PPIP5K2: variants seen among roughly 807,000 people sequenced by gnomAD.
PPIP5K2 encodes diphosphoinositol pentakisphosphate kinase 2, also known as inositol hexakisphosphate and diphosphoinositol-pentakisphosphate kinase 2.
A neutral mutation model predicts 154.6 loss-of-function variants in PPIP5K2; 105 were observed. The observed-to-expected ratio is 0.68, with a 90% CI of 0.58 to 0.80. The LOEUF (loss-of-function observed/expected upper bound fraction) is 0.80. PPIP5K2 is among the 30% of genes least tolerant of loss of function. The pLI, the probability that PPIP5K2 is intolerant of heterozygous loss-of-function variation, is 0.00. For synonymous variants in PPIP5K2, 480 were observed against 490.3 expected (o/e 0.98, Z 0.28); for missense variants, 992 against 1,504.6 (o/e 0.66, Z 5.64).
chr5:103,142,753 G>A lies in PPIP5K2; in HGVS notation c.488-3774G>A, dbSNP rs574750940. ...ATGGCGCCACTGCACTCCAGCCTGGGCGAGTGAGCAAGACTCCGTCTCAAA... is the reference window on the plus strand; with the variant it reads ...ATGGCGCCACTGCACTCCAGCCTGGACGAGTGAGCAAGACTCCGTCTCAAA... On this transcript the variant is annotated intron_variant, in intron 5 of 30. Coordinates refer to ENST00000358359, the MANE Select transcript of PPIP5K2 (RefSeq NM_001276277.3). Among the ~76,000 whole-genome samples, 7 of 147,110 alleles carry A rather than the reference G, an allele frequency of 4.8e-5. No individual in the cohort carries two copies. In the South Asian group the frequency reaches 1.1e-3, roughly 23 times the overall value.
intron 5 of PPIP5K2, among the ~76,000 whole-genome samples, chr5:103,141,786 A>G (rs1283696322): frequency 1.3e-5 from 2 of 151,756 alleles, no homozygotes; most frequent in Admixed American, 6.6e-5. Context: ...TGGAGTATTT[A>G]CAATCCCTGA....
intron 5 of PPIP5K2, among the ~76,000 whole-genome samples, chr5:103,140,662 C>T (rs1252940760): frequency 6.7e-6 from 1 of 150,016 alleles, no homozygotes; most frequent in Admixed American, 6.6e-5. Flanking sequence ...ACGGTGAAAC[C>T]CCGTCTCTAC....
rs1254684253 is a variant in PPIP5K2, at chr5:103,187,445, A to G, written c.3352+69A>G. The G allele has an allele frequency of 4.1e-6, 5 of 1,224,364 alleles. No homozygotes were observed. In the East Asian group the frequency reaches 7.6e-5, roughly 19 times the overall value. 75.8% of individuals were successfully genotyped at this position (1,224,364 alleles called of 1,614,324 possible). A position where few individuals can be genotyped will look rare whatever the true frequency, so the allele number is the denominator to read the frequency against. ...CCTTTTTTATTTTTATTTTATTTCA[A>G]AATGTGGGGTATACAGTATCATTCA... On this transcript the variant is annotated intron_variant, in intron 28 of 30. Transcript: ENST00000358359.
chr5:103,154,932 T>C lies in PPIP5K2; in HGVS notation c.1392T>C (p.Thr464=). The change falls in exon 13 of 31, where the codon ACT becomes ACC. Residue 464 remains threonine, a synonymous_variant. Transcript: ENST00000358359. The part of the protein sequence containing the change: ...ENKPKLEQLK[T]VLEMYGHFSG... ...AGCCAAAACTTGAACAACTTAAGAC[T>C]GTATTAGAGATGTGAGTATCTTTTT... The C allele has an allele frequency of 1.3e-6, 2 of 1,580,260 alleles. No homozygotes were observed. Among genetic ancestry groups the C allele is most frequent in the Non-Finnish European group, 1.7e-6 (2 of 1,164,468 alleles).
chr5:103,195,524 A>G (rs79476842), intron 30 of PPIP5K2, among the ~76,000 whole-genome samples: 5,350 of 152,272 alleles, frequency 0.035, 183 homozygotes, highest in Admixed American at 0.096. Flanking sequence ...CAGTCTGACT[A>G]TGTGACTACC....
At chr5:103,136,619 G>GTTAATGAAATGAA in intron 3 of PPIP5K2, 113 bp from the exon 4 acceptor site, 1 of 770,320 alleles carries the variant, frequency 1.3e-6, no homozygotes, top group Non-Finnish European at 2.3e-6. Context: ...ATAGAAGGGT[G>GTTAATGAAATGAA]TTATGTGTTA....
chr5:103,185,071 G>C (rs1800157578), intron 26 of PPIP5K2, among the ~76,000 whole-genome samples: 1 of 152,116 alleles, frequency 6.6e-6, no homozygotes, highest in South Asian at 2.1e-4. Context: ...AAGATGAAAA[G>C]ATGCTATTGC....
chr5:103,179,814 T>C (rs1712022634), intron 23 of PPIP5K2, among the ~76,000 whole-genome samples: 1 of 152,178 alleles, frequency 6.6e-6, no homozygotes, highest in Non-Finnish European at 1.5e-5. Context: ...AGTATATGTA[T>C]TTTTGAACTC....
At chr5:103,139,732 G>A (rs185928576) in intron 5 of PPIP5K2, among the ~76,000 whole-genome samples, 23 of 152,272 alleles carry the variant, frequency 1.5e-4, no homozygotes, top group Non-Finnish European at 3.2e-4. Context: ...TGACCTTTCA[G>A]ACAGAGAATT....
intron 5 of PPIP5K2, among the ~76,000 whole-genome samples, chr5:103,143,096 G>T (rs1266642225): frequency 6.6e-6 from 1 of 152,048 alleles, no homozygotes; most frequent in African/African-American, 2.4e-5. Context: ...TAAAATAATT[G>T]TAATAAAATG....
rs1163321030 is a variant in PPIP5K2, at chr5:103,159,194, G to T, written c.1786G>T (p.Val596Leu). The change falls in exon 17 of 31, where the codon GTG becomes TTG. Residue 596 changes from valine to leucine, a missense_variant. Around this residue, in one of 9 missense-constraint regions of PPIP5K2, gnomAD observed 22 missense variants for 95.5 expected, o/e 0.23. Transcript: ENST00000358359. ...GCTTACACCCATTCTTGTTCAAATG[G>T]TGAAAAGTGCAAATATGAACGGTCT... ...GELTPILVQM[V>L]KSANMNGLLD... 1 of 1,609,566 alleles carries T rather than the reference G, an allele frequency of 6.2e-7. No individual in the cohort carries two copies. Among genetic ancestry groups the T allele is most frequent in the Non-Finnish European group, 8.5e-7 (1 of 1,177,052 alleles).
chr5:103,150,430 A>G (rs552230478), intron 8 of PPIP5K2, among the ~76,000 whole-genome samples: 1 of 152,318 alleles, frequency 6.6e-6, no homozygotes, highest in East Asian at 1.9e-4. Flanking sequence ...CAGATAAAGT[A>G]AATTTATTAC....
intron 8 of PPIP5K2, 61 bp from the exon 9 acceptor site, chr5:103,151,192 G>C: frequency 2.8e-6 from 4 of 1,427,910 alleles, no homozygotes; most frequent in Non-Finnish European, 3.8e-6. Context: ...GATAGGACTA[G>C]AAAACTGTGA....
At chr5:103,169,679 A>C (rs148518995) in intron 19 of PPIP5K2, among the ~76,000 whole-genome samples, 4 of 151,926 alleles carry the variant, frequency 2.6e-5, no homozygotes, top group African/African-American at 9.6e-5. Flanking sequence ...AAAATATCTC[A>C]GACTTTACGA....
chr5:103,165,616 T>C (rs1318306211), intron 17 of PPIP5K2, among the ~76,000 whole-genome samples: 1 of 152,052 alleles, frequency 6.6e-6, no homozygotes, highest in Non-Finnish European at 1.5e-5. Flanking sequence ...AAATTTATGG[T>C]GAAGCTTAAG....
intron 14 of PPIP5K2, 96 bp downstream of exon 14, chr5:103,156,090 G>A: frequency 2.6e-6 from 2 of 773,522 alleles, no homozygotes; most frequent in Non-Finnish European, 2.1e-6. Flanking sequence ...TAGTAGTTTA[G>A]GGAATGGCAT....
rs189618509 is a variant in PPIP5K2, at chr5:103,123,485, G to A, written c.-285+2997G>A. 1.2e-3 allele frequency among the ~76,000 whole-genome samples: 187 copies of A among 152,308 alleles called. 1 individual carries two copies. The highest frequency in any genetic ancestry group is 3.9e-4 in the East Asian group (2 of 5,190). On this transcript the variant is annotated intron_variant, in intron 1 of 30. Coordinates refer to ENST00000358359, the MANE Select transcript of PPIP5K2 (RefSeq NM_001276277.3). ...AACAAGCCCTACAGGTGATTCTGTTGCATGCTAATGTTTGAGAACTACTGC... is the reference window on the plus strand; with the variant it reads ...AACAAGCCCTACAGGTGATTCTGTTACATGCTAATGTTTGAGAACTACTGC...
At chr5:103,151,832 T>C (rs1177556159) in intron 9 of PPIP5K2, among the ~76,000 whole-genome samples, 2 of 152,074 alleles carry the variant, frequency 1.3e-5, no homozygotes, top group African/African-American at 4.8e-5. Flanking sequence ...CATAAGATTA[T>C]CAAGTGAATG....
At chr5:103,130,742 G>T (rs1159312895) in intron 2 of PPIP5K2, among the ~76,000 whole-genome samples, 1 of 152,114 alleles carries the variant, frequency 6.6e-6, no homozygotes, top group Non-Finnish European at 1.5e-5. Context: ...TGAAAGCAGA[G>T]CGTCTCTGGC....
Sources: allele counts gnomAD v4.1 joint callset (sites outside exome capture counted in the v4.1 genomes callset), GRCh38; gene constraint gnomAD v4.1.1; regional missense constraint gnomAD v4.1.1; transcripts MANE v1.5; gene names NCBI Gene and HGNC (gene_info 2026-07-23, HGNC 2026-07-21).